TSPAN8: variants seen among roughly 807,000 people sequenced by gnomAD.
TSPAN8 encodes the protein tetraspanin-8.
In TSPAN8, 21 loss-of-function variants were observed where a neutral mutation model predicts 32.8. That is an observed-to-expected ratio of 0.64 (90% CI 0.45 to 0.92). The LOEUF (loss-of-function observed/expected upper bound fraction) is 0.92. Among genes scored for constraint, TSPAN8 ranks in the 40% least tolerant of loss-of-function variants. The probability of loss-of-function intolerance (pLI) is 0.00; values close to 1 mark genes in which losing one functional copy is unlikely to be tolerated. For missense variants in TSPAN8, 269 were observed against 281.9 expected (o/e 0.95, Z 0.33); for synonymous variants, 95 against 94.6 (o/e 1.00, Z -0.03).
At chr12:71,149,469 T>A (rs1461294843) in intron 2 of TSPAN8, among the ~76,000 whole-genome samples, 1 of 152,186 alleles carries the variant, frequency 6.6e-6, no homozygotes, top group Non-Finnish European at 1.5e-5. Context: ...GATTTTCTGA[T>A]GCTGTAAACC....
intron 2 of TSPAN8, among the ~76,000 whole-genome samples, chr12:71,156,250 C>CAAAAAAAAAAAAAAAAAAAAAAA (rs763217771): frequency 5.7e-4 from 14 of 24,358 alleles, no homozygotes; most frequent in African/African-American, 3.2e-3. Flanking sequence ...CAAAGTTCTC[C>CAAAAAAAAAAAAAAAAAAAAAAA]AAAAAAAAAA....
At chr12:71,154,640 C>G (rs1872367686) in intron 2 of TSPAN8, among the ~76,000 whole-genome samples, 1 of 152,128 alleles carries the variant, frequency 6.6e-6, no homozygotes, top group South Asian at 2.1e-4. Flanking sequence ...AAGATTGCTA[C>G]TGGTTTCAGT....
intron 2 of TSPAN8, among the ~76,000 whole-genome samples, chr12:71,145,369 A>G (rs571016299): frequency 1.3e-5 from 2 of 152,258 alleles, no homozygotes; most frequent in South Asian, 4.1e-4. Context: ...TTACATCATG[A>G]AAACCCGGAG....
At chr12:71,147,518 G>A (rs1390465612) in intron 2 of TSPAN8, among the ~76,000 whole-genome samples, 2 of 152,138 alleles carry the variant, frequency 1.3e-5, no homozygotes, top group Non-Finnish European at 2.9e-5. Flanking sequence ...ATAACTACAA[G>A]ATTTGTTTTT....
chr12:71,133,963 A>G (rs1361595044), intron 6 of TSPAN8, among the ~76,000 whole-genome samples: 1 of 152,156 alleles, frequency 6.6e-6, no homozygotes, highest in Non-Finnish European at 1.5e-5. Context: ...GCTCTGATAC[A>G]TTGCAATGCC....
chr12:71,133,005 T>C (rs969445459), intron 6 of TSPAN8, among the ~76,000 whole-genome samples, 181 bp from the exon 7 acceptor site: 1 of 152,214 alleles, frequency 6.6e-6, no homozygotes, highest in African/African-American at 2.4e-5. Context: ...TTTTGATCTT[T>C]ACATTAATGA....
At chr12:71,147,212 A>G (rs1164103701) in intron 2 of TSPAN8, among the ~76,000 whole-genome samples, 1 of 152,184 alleles carries the variant, frequency 6.6e-6, no homozygotes, top group African/African-American at 2.4e-5. Context: ...AGGAAAAAAA[A>G]GGGGGCGGGG....
intron 7 of TSPAN8, among the ~76,000 whole-genome samples, chr12:71,131,392 C>T (rs1871513591): frequency 6.6e-6 from 1 of 152,056 alleles, no homozygotes; most frequent in Non-Finnish European, 1.5e-5. Flanking sequence ...CCCTTCAGGG[C>T]AGAGCCTCTT....
chr12:71,126,820 T>C (rs3851610), intron 8 of TSPAN8, among the ~76,000 whole-genome samples: 48,340 of 151,688 alleles, frequency 0.32, 8,538 homozygotes, highest in Non-Finnish European at 0.41. Context: ...TTGTAAGTTG[T>C]TATAGTCAAA....
chr12:71,129,437 A>C (rs758536921), intron 7 of TSPAN8, 23 bp from the exon 8 acceptor site: 40 of 1,548,322 alleles, frequency 2.6e-5, no homozygotes, highest in Non-Finnish European at 3.5e-5. Context: ...AAAAACATTA[A>C]AAGTTACCTC....
At chr12:71,153,924 C>A (rs757312411) in intron 2 of TSPAN8, among the ~76,000 whole-genome samples, 9 of 152,248 alleles carry the variant, frequency 5.9e-5, no homozygotes, top group Non-Finnish European at 1.2e-4. Context: ...CACCAAGGCA[C>A]GTTAGTTAGA....
chr12:71,135,116 C>T (rs11178646), intron 6 of TSPAN8, among the ~76,000 whole-genome samples: 59,214 of 151,818 alleles, frequency 0.39, 12,612 homozygotes, highest in East Asian at 0.57. Context: ...CCAGGTCATC[C>T]AGCCAGAGTT....
At position 71,132,745 on chromosome 12, in the gene TSPAN8, A is replaced by T; in HGVS notation, c.524T>A (p.Leu175Gln). The change falls in exon 7 of 9, where the codon CTA becomes CAA. Residue 175 changes from leucine (L) to glutamine (Q), a missense_variant. By Grantham distance (113) the Leu-to-Gln change is moderately radical (BLOSUM62 -2). Transcript: ENST00000247829. Reference protein sequence around the residue: ...FQHYPELCACLDKQRPCQSYN... With the variant: ...FQHYPELCACQDKQRPCQSYN... ...GCTTTGGCATGGTCTCTGCTTATCT[A>T]GACAGGCACATAATTCAGGATAGTG... The T allele has an allele frequency of 1.9e-6, 3 of 1,614,006 alleles. No homozygotes were observed. The highest frequency in any genetic ancestry group is 2.5e-6 in the Non-Finnish European group (3 of 1,179,970).
intron 2 of TSPAN8, among the ~76,000 whole-genome samples, chr12:71,145,711 AT>A (rs1393551656): frequency 1.3e-5 from 2 of 152,132 alleles, no homozygotes; most frequent in Non-Finnish European, 2.9e-5. Flanking sequence ...ACCCTCTGGG[AT>A]TTTCAGTAAT....
rs979937068 is a variant in TSPAN8 at position 71,146,487 on chromosome 12, C to T, written c.61-2274G>A. On this transcript the variant is annotated intron_variant, in intron 2 of 8. Transcript: ENST00000247829. ...TGACCATCATAATGGTACTTGGAGC[C>T]CTTTACCAAGTTTAGCTTTTAGAGC... Among the ~76,000 whole-genome samples, 5 of 152,102 alleles carry T rather than the reference C, an allele frequency of 3.3e-5. No individual in the cohort carries two copies. In the East Asian group the frequency reaches 9.7e-4, roughly 29 times the overall value.
At chr12:71,147,504 G>A (rs545830303) in intron 2 of TSPAN8, among the ~76,000 whole-genome samples, 15 of 152,266 alleles carry the variant, frequency 9.9e-5, no homozygotes, top group African/African-American at 3.6e-4. Context: ...AAATATGCAA[G>A]TGGATAACTA....
chr12:71,139,310 GC>G, intron 4 of TSPAN8: 3 of 452,480 alleles, frequency 6.6e-6, no homozygotes, highest in South Asian at 5.1e-5. Flanking sequence ...ATTCACTTCT[GC>G]CCTGGTTTGA....
intron 3 of TSPAN8, among the ~76,000 whole-genome samples, chr12:71,140,516 ATTTT>A: frequency 6.6e-6 from 1 of 152,294 alleles, no homozygotes; most frequent in Middle Eastern, 3.4e-3. Flanking sequence ...TTTCATATCT[ATTTT>A]ATCTCTTTGT....
chr12:71,151,844 T>C (rs1413036070), intron 2 of TSPAN8, among the ~76,000 whole-genome samples: 1 of 152,206 alleles, frequency 6.6e-6, no homozygotes, highest in Non-Finnish European at 1.5e-5. Context: ...GCAGGGAAAT[T>C]TGGGTCCTAT....
Sources: allele counts gnomAD v4.1 joint callset (sites outside exome capture counted in the v4.1 genomes callset), GRCh38; gene constraint gnomAD v4.1.1; transcripts MANE v1.5; gene names NCBI Gene and HGNC (gene_info 2026-07-23, HGNC 2026-07-21).